MYO5B: variants seen among roughly 807,000 people sequenced by gnomAD.
The protein encoded by MYO5B is myosin VB, also known as unconventional myosin-Vb.
In MYO5B, 143 loss-of-function variants were observed where a neutral mutation model predicts 229.3. The observed-to-expected ratio is 0.62, with a 90% CI of 0.54 to 0.72. The LOEUF is 0.72. Among genes scored for constraint, MYO5B ranks in the 30% least tolerant of loss-of-function variants. The pLI is 0.00. For synonymous variants in MYO5B, 918 were observed against 885.2 expected (o/e 1.04, Z -0.66); for missense variants, 2,321 against 2,331.0 (o/e 1.00, Z 0.09).
chr18:49,938,790 T>C (rs1299902876), intron 14 of MYO5B, among the ~76,000 whole-genome samples: 3 of 152,186 alleles, frequency 2.0e-5, no homozygotes, highest in African/African-American at 7.2e-5. Flanking sequence ...CTGTGCTATT[T>C]TTACTTGAAA....
chr18:50,143,739 C>T (rs529283446), intron 1 of MYO5B, among the ~76,000 whole-genome samples: 3 of 152,278 alleles, frequency 2.0e-5, no homozygotes, highest in South Asian at 2.1e-4. Flanking sequence ...GGATGTTGTT[C>T]GGATGGGCAC....
In MYO5B at chr18:50,079,401, T is replaced by C. The variant is rs1331449532; in HGVS notation, c.28-24023A>G. ...AACGCTGTCCCACACTCTCCAGGTA[T>C]CAGAAGATGGGGATGAGAGCATCCA... On this transcript the variant is annotated intron_variant, in intron 1 of 39. Coordinates refer to ENST00000285039, the MANE Select transcript of MYO5B (RefSeq NM_001080467.3). Among the ~76,000 whole-genome samples, 3 of 152,246 alleles carry C rather than the reference T, an allele frequency of 2.0e-5. No individual in the cohort carries two copies. In the East Asian group the frequency reaches 5.8e-4, roughly 29 times the overall value.
At position 50,106,622 on chromosome 18, in the gene MYO5B, C is replaced by T. The variant is rs370815138; in HGVS notation, c.28-51244G>A. ...CCCTATTTCTCATTATCTGGCTATTCCTCTTCAGGTTTCACAGCCTGGATG... is the reference window on the plus strand; with the variant it reads ...CCCTATTTCTCATTATCTGGCTATTTCTCTTCAGGTTTCACAGCCTGGATG... On this transcript the variant is annotated intron_variant, in intron 1 of 39. Coordinates refer to ENST00000285039, the MANE Select transcript of MYO5B (RefSeq NM_001080467.3). Among the ~76,000 whole-genome samples the T allele has an allele frequency of 1.1e-4, 17 of 152,306 alleles. No homozygotes were observed. The East Asian group carries it at 2.7e-3, about 24-fold the overall frequency.
At chr18:49,869,602 G>A (rs1197460591) in intron 27 of MYO5B, among the ~76,000 whole-genome samples, 1 of 152,194 alleles carries the variant, frequency 6.6e-6, no homozygotes, top group African/African-American at 2.4e-5. Context: ...GTGGAGACGA[G>A]GCCTGTAAAA....
chr18:49,902,826 A>G lies in MYO5B; in HGVS notation c.2579T>C (p.Met860Thr), dbSNP rs539079604. The change falls in exon 21 of 40, where the codon ATG becomes ACG. Residue 860 changes from methionine (M) to threonine (T), a missense_variant. This residue lies in a region of MYO5B where 2,113 missense variants were observed against 2,044.7 expected (regional missense o/e 1.03). Transcript: ENST00000285039. Reference protein sequence around the residue: ...FVRRTYRQVLMEHKATTIQKH... With the variant: ...FVRRTYRQVLTEHKATTIQKH... ...CTGGATGGTGGTGGCCTTGTGCTCC[A>G]TGAGGACCTGGCGGGAAACAAGGAT... The G allele has an allele frequency of 1.2e-6, 2 of 1,600,256 alleles. No individual in the cohort carries two copies. The highest frequency in any genetic ancestry group is 2.2e-5 in the East Asian group (1 of 44,858).
chr18:50,174,917 A>C (rs973157921), intron 1 of MYO5B, among the ~76,000 whole-genome samples: 1 of 152,216 alleles, frequency 6.6e-6, no homozygotes, highest in Non-Finnish European at 1.5e-5. Flanking sequence ...ATCCCATGCC[A>C]AGTCTCTGGT....
intron 1 of MYO5B, among the ~76,000 whole-genome samples, chr18:50,193,788 A>G (rs1434495594): frequency 6.6e-6 from 1 of 152,246 alleles, no homozygotes; most frequent in Non-Finnish European, 1.5e-5. Flanking sequence ...ATGTGAAGAA[A>G]AGGCCTTTGC....
intron 1 of MYO5B, among the ~76,000 whole-genome samples, chr18:50,144,917 G>C (rs535267933): frequency 3.3e-5 from 5 of 152,150 alleles, no homozygotes; most frequent in Non-Finnish European, 7.4e-5. Context: ...ACAAGTTATG[G>C]CAGCAGGATT....
Position 50,043,504 on chromosome 18 carries a change from T to C in MYO5B, c.139-3190A>G, listed in dbSNP as rs1218495200. Among the ~76,000 whole-genome samples the C allele has an allele frequency of 4.3e-5, 4 of 93,786 alleles. No homozygotes were observed. In the East Asian group the frequency reaches 1.2e-3, roughly 28 times the overall value. 61.5% of individuals were successfully genotyped at this position (93,786 alleles called of 152,430 possible). ...ATAAATATATTTTTATATATAAATA[T>C]AAATATATTTATAAGTATATAAATA... On this transcript the variant is annotated intron_variant, in intron 2 of 39. Coordinates refer to ENST00000285039, the MANE Select transcript of MYO5B (RefSeq NM_001080467.3).
At chr18:50,118,018 T>TG (rs1480028171) in intron 1 of MYO5B, among the ~76,000 whole-genome samples, 1 of 152,196 alleles carries the variant, frequency 6.6e-6, no homozygotes, top group African/African-American at 2.4e-5. Context: ...TTCAAGTGGA[T>TG]GACAGCCATA....
rs560730556 is a variant in MYO5B at position 49,920,717 on chromosome 18, A to G, written c.2091-8544T>C. Among the ~76,000 whole-genome samples the G allele has an allele frequency of 3.3e-5, 5 of 152,336 alleles. No homozygotes were observed. The East Asian group carries it at 7.7e-4, about 24-fold the overall frequency. On this transcript the variant is annotated intron_variant, in intron 17 of 39. Coordinates refer to ENST00000285039, the MANE Select transcript of MYO5B (RefSeq NM_001080467.3). ...TACCCAGGGGGCAACACATGCCTTCAGGGTAATGATTTTAAGGCAGGATGC... is the reference window on the plus strand; with the variant it reads ...TACCCAGGGGGCAACACATGCCTTCGGGGTAATGATTTTAAGGCAGGATGC...
At chr18:50,048,950 G>A (rs2959534) in intron 2 of MYO5B, among the ~76,000 whole-genome samples, 146,767 of 151,492 alleles carry the variant, frequency 0.97, 71,256 homozygotes, top group East Asian at 1. Context: ...TGAACCGGGG[G>A]GGCAGAGGTT....
chr18:49,882,457 G>A (rs1010305839), intron 22 of MYO5B, among the ~76,000 whole-genome samples: 5 of 151,566 alleles, frequency 3.3e-5, no homozygotes, highest in Non-Finnish European at 5.9e-5. Context: ...CTGACACCCC[G>A]TCTCTACTAA....
chr18:49,861,334 C>G (rs372578665), intron 29 of MYO5B, among the ~76,000 whole-genome samples: 15 of 152,140 alleles, frequency 9.9e-5, no homozygotes, highest in Non-Finnish European at 2.1e-4. Context: ...CCCTGACAAC[C>G]GCTGCATGAA....
At chr18:50,189,413 T>C (rs1054353548) in intron 1 of MYO5B, among the ~76,000 whole-genome samples, 4 of 152,216 alleles carry the variant, frequency 2.6e-5, no homozygotes, top group Admixed American at 6.5e-5. Flanking sequence ...TTTAGAGCTG[T>C]TCCATTCTCA....
At chr18:50,051,962 A>T (rs2030405242) in intron 2 of MYO5B, among the ~76,000 whole-genome samples, 1 of 152,198 alleles carries the variant, frequency 6.6e-6, no homozygotes, top group Admixed American at 6.5e-5. Context: ...ATGGTTACAC[A>T]ATGTAAATAC....
chr18:49,886,128 C>T (rs975535415), intron 22 of MYO5B, among the ~76,000 whole-genome samples: 11 of 152,090 alleles, frequency 7.2e-5, no homozygotes, highest in Non-Finnish European at 1.5e-4. Context: ...TTAGTATAGA[C>T]GGGGTTTTGC....
intron 13 of MYO5B, 101 bp downstream of exon 13, chr18:49,954,212 T>C (rs1204109363): frequency 6.4e-7 from 1 of 1,552,890 alleles, no homozygotes; most frequent in African/African-American, 1.4e-5. Context: ...TTCAGGCCAT[T>C]TGAATTCAGA....
At chr18:50,085,306 A>G (rs971721792) in intron 1 of MYO5B, among the ~76,000 whole-genome samples, 3 of 152,240 alleles carry the variant, frequency 2.0e-5, no homozygotes, top group Non-Finnish European at 4.4e-5. Flanking sequence ...CAAAAAACAC[A>G]TGAAAAAATA....
Sources: allele counts gnomAD v4.1 joint callset (sites outside exome capture counted in the v4.1 genomes callset), GRCh38; gene constraint gnomAD v4.1.1; regional missense constraint gnomAD v4.1.1; transcripts MANE v1.5; gene names NCBI Gene and HGNC (gene_info 2026-07-23, HGNC 2026-07-21).